The following FBN3 variants were observed in gnomAD, a reference collection of about 807,000 sequenced individuals.
FBN3 encodes fibrillin-3.
In FBN3, 234 loss-of-function variants were observed where a neutral mutation model predicts 330.1. The observed-to-expected ratio is 0.71, with a 90% confidence interval of 0.64 to 0.79. The LOEUF (loss-of-function observed/expected upper bound fraction) is 0.79. Among genes scored for constraint, FBN3 ranks in the 30% least tolerant of loss-of-function variants. The pLI, the probability that FBN3 is intolerant of heterozygous loss-of-function variation, is 0.00. For synonymous variants in FBN3, 1,458 were observed against 1,517.3 expected (o/e 0.96, Z 0.91); for missense variants, 3,606 against 3,886.9 (o/e 0.93, Z 1.92).
At chr19:8,145,822 G>A (rs768586878) in intron 5 of FBN3, 21 bp downstream of exon 5, 11 of 1,529,444 alleles carry the variant, frequency 7.2e-6, no homozygotes, top group Middle Eastern at 1.7e-4. Flanking sequence ...GCAAAGAGGG[G>A]AGTCCCATGG....
chr19:8,088,265 C>A, intron 51 of FBN3, 86 bp from the exon 52 acceptor site: 1 of 1,489,042 alleles, frequency 6.7e-7, no homozygotes, highest in Non-Finnish European at 9.0e-7. Context: ...TTGACCACCA[C>A]AGATCGGAGG....
rs755826707 is a variant in FBN3 at position 8,088,131 on chromosome 19, G to T, written c.6425C>A (p.Thr2142Asn). ...VGHPCGQGTC[T>N]NVIGGFECAC... ...ACATTCGAAGCCTCCGATGACATTGGTGCATGTCCCTTGCCCACAGGGGTG... is the reference window on the plus strand; with the variant it reads ...ACATTCGAAGCCTCCGATGACATTGTTGCATGTCCCTTGCCCACAGGGGTG... Residue 2142 changes from threonine (T) to asparagine (N), a missense_variant, in exon 52 of 64, where the codon ACC becomes AAC. Thr to Asn is a moderately conservative substitution (Grantham distance 65, BLOSUM62 0). Transcript: ENST00000600128. 4 of 1,613,544 alleles carry T rather than the reference G, an allele frequency of 2.5e-6. No individual in the cohort carries two copies. In the African/African-American group the frequency reaches 5.3e-5, roughly 22 times the overall value.
At chr19:8,095,308 A>G in intron 46 of FBN3, 67 bp downstream of exon 46, 1 of 1,515,284 alleles carries the variant, frequency 6.6e-7, no homozygotes, top group African/African-American at 1.4e-5. Flanking sequence ...ACCCAGAAGT[A>G]CCAAACTGTG....
intron 48 of FBN3, among the ~76,000 whole-genome samples, chr19:8,090,681 A>C (rs2082078237): frequency 6.6e-6 from 1 of 151,442 alleles, no homozygotes; most frequent in Non-Finnish European, 1.5e-5. Context: ...ACGGGGTTTC[A>C]CCACATTGGC....
chr19:8,123,944 G>T lies in FBN3; in HGVS notation c.2796C>A (p.Gly932=), dbSNP rs778807416. The change falls in exon 23 of 64, where the codon GGC becomes GGA. Residue 932 remains glycine (G), a synonymous_variant. Coordinates refer to ENST00000600128, the MANE Select transcript of FBN3 (RefSeq NM_032447.5). ...DEDECGVTLP[G]KYRMDVCCCS... ...AGCAGCAGACGTCCATCCGGTACTTGCCAGGCAGGGTGACCCCACACTCAT... is the reference window on the plus strand; with the variant it reads ...AGCAGCAGACGTCCATCCGGTACTTTCCAGGCAGGGTGACCCCACACTCAT... 1.9e-6 allele frequency: 3 copies of T among 1,614,128 alleles called. No individual in the cohort carries two copies. Among genetic ancestry groups the T allele is most frequent in the Non-Finnish European group, 1.7e-6 (2 of 1,180,034 alleles).
intron 56 of FBN3, 64 bp downstream of exon 56, chr19:8,085,299 A>G: frequency 1.4e-6 from 2 of 1,396,964 alleles, no homozygotes; most frequent in South Asian, 1.3e-5. Context: ...GTACAGACAC[A>G]TGACCCTGAG....
chr19:8,131,364 G>C lies in FBN3; in HGVS notation c.1991-76C>G. ...CGGATTCAGCCACAGGCAAGGATGA[G>C]GCCCTCTGGTCTTGGGCAAGAGTTT... On this transcript the variant is annotated intron_variant, in intron 15 of 63. Coordinates refer to ENST00000600128, the MANE Select transcript of FBN3 (RefSeq NM_032447.5). This position sits in a 1 kb window ranked among gnomAD's most constrained non-coding sequence, Gnocchi z 4.5. 1 of 1,545,028 alleles carries C rather than the reference G, an allele frequency of 6.5e-7. No individual in the cohort carries two copies. The highest frequency in any genetic ancestry group is 1.8e-5 in the Admixed American group (1 of 56,388).
Position 8,089,587 on chromosome 19 carries a change from G to A in FBN3, c.6334C>T (p.Pro2112Ser), listed in dbSNP as rs771232027. The A allele has an allele frequency of 1.4e-5, 22 of 1,614,080 alleles. No individual in the cohort carries two copies. In the South Asian group the frequency reaches 2.4e-4, roughly 18 times the overall value. ...GTGAAGTCCAGGCTGTAGCCAAAGG[G>A]ACACTCACAGCGGAAGGATCCATCG... ...NTDGSFRCEC[P>S]FGYSLDFTGI... The change falls in exon 51 of 64, where the codon CCC becomes TCC. Residue 2112 changes from proline (P) to serine (S), a missense_variant. Transcript: ENST00000600128.
intron 63 of FBN3, among the ~76,000 whole-genome samples, chr19:8,070,914 C>T (rs543472941): frequency 5.3e-5 from 8 of 151,792 alleles, no homozygotes; most frequent in Non-Finnish European, 1.2e-4. Context: ...CCCAGCTACT[C>T]GGGCGGCTGA....
Position 8,073,152 on chromosome 19 carries a change from T to G in FBN3, c.7848A>C (p.Gly2616=), listed in dbSNP as rs1336997699. 36 of 1,613,692 alleles carry G rather than the reference T, an allele frequency of 2.2e-5. No homozygotes were observed. The highest frequency in any genetic ancestry group is 3.1e-5 in the Non-Finnish European group (36 of 1,179,966). Residue 2616 remains glycine, a synonymous_variant, in exon 62 of 64, where the codon GGA becomes GGC. Transcript: ENST00000600128. ...GGCQEVDECA[G]RRGPCSYSCA... ...AGCTGTAGCTACAGGGGCCACGCCG[T>G]CCGGCGCACTCATCCACCTCCTGGC... is the stretch of plus-strand genomic sequence containing the variant.
chr19:8,141,542 C>T (rs969816945), intron 8 of FBN3, among the ~76,000 whole-genome samples, 175 bp downstream of exon 8: 1 of 152,096 alleles, frequency 6.6e-6, no homozygotes, highest in Admixed American at 6.6e-5. Context: ...TGCAGTCACC[C>T]CCAGAACAGA....
chr19:8,134,148 A>T (rs903248137), intron 13 of FBN3, among the ~76,000 whole-genome samples: 11 of 151,838 alleles, frequency 7.2e-5, no homozygotes, highest in African/African-American at 2.7e-4. Context: ...AGGCTGAGGC[A>T]GGGGAATGAT....
intron 30 of FBN3, 81 bp downstream of exon 30, chr19:8,115,434 T>C (rs2082683608): frequency 6.6e-7 from 1 of 1,513,902 alleles, no homozygotes; most frequent in East Asian, 2.3e-5. Flanking sequence ...TGCTCTGCCC[T>C]GGGGGATGGA....
intron 30 of FBN3, among the ~76,000 whole-genome samples, 158 bp downstream of exon 30, chr19:8,115,357 T>C (rs1326516825): frequency 6.6e-6 from 1 of 152,218 alleles, no homozygotes; most frequent in Non-Finnish European, 1.5e-5. Flanking sequence ...GGGCACTGTA[T>C]AGGACTCTGT....
At chr19:8,088,788 G>A (rs1305771415) in intron 51 of FBN3, among the ~76,000 whole-genome samples, 2 of 152,188 alleles carry the variant, frequency 1.3e-5, no homozygotes, top group Non-Finnish European at 2.9e-5. Context: ...AATGAGCAAG[G>A]AGACAAATGA....
At chr19:8,092,429 C>A (rs573290035) in intron 47 of FBN3, among the ~76,000 whole-genome samples, 1 of 151,668 alleles carries the variant, frequency 6.6e-6, no homozygotes, top group Non-Finnish European at 1.5e-5. Flanking sequence ...CAAAATGGAA[C>A]GAAATAGGCA....
Position 8,126,620 on chromosome 19 carries a change from C to T in FBN3, c.2417-15G>A, listed in dbSNP as rs759088706. ...CTTGGTGCTGTCTGGGGAGAAGAGG[C>T]GGGTCACCTGTCTCACCTGCCGGCC... On this transcript the variant is annotated splice_polypyrimidine_tract_variant and intron_variant, in intron 19 of 63. Coordinates refer to ENST00000600128, the MANE Select transcript of FBN3 (RefSeq NM_032447.5). 1.3e-5 allele frequency: 21 copies of T among 1,604,774 alleles called. No individual in the cohort carries two copies. Among genetic ancestry groups the T allele is most frequent in the Admixed American group, 3.3e-5 (2 of 59,858 alleles).
In FBN3 at chr19:8,109,096, C is replaced by T; in HGVS notation, c.4618+131G>A. 2.4e-6 allele frequency: 2 copies of T among 821,224 alleles called. No homozygotes were observed. The highest frequency in any genetic ancestry group is 3.5e-5 in the South Asian group (2 of 56,354). 50.9% of individuals were successfully genotyped at this position (821,224 alleles called of 1,614,324 possible). ...ACACTGTGTGACCCAGGATGAGCCC[C>T]TCTCCTCCCCCAGTTCTTGGTTTTC... On this transcript the variant is annotated intron_variant, in intron 36 of 63. Coordinates refer to ENST00000600128, the MANE Select transcript of FBN3 (RefSeq NM_032447.5). This position sits in a 1 kb window ranked among gnomAD's most constrained non-coding sequence, Gnocchi z 5.2.
intron 57 of FBN3, among the ~76,000 whole-genome samples, chr19:8,082,434 C>G (rs1298055748): frequency 6.7e-6 from 1 of 149,154 alleles, no homozygotes; most frequent in Non-Finnish European, 1.5e-5. Context: ...CTTTCTCTCT[C>G]TCTCTCTTCC....
Sources: allele counts gnomAD v4.1 joint callset (sites outside exome capture counted in the v4.1 genomes callset), GRCh38; gene constraint gnomAD v4.1.1; non-coding constraint Gnocchi (gnomAD v3.1); transcripts MANE v1.5; gene names NCBI Gene and HGNC (gene_info 2026-07-23, HGNC 2026-07-21).